CTXND1: variants seen among roughly 807,000 people sequenced by gnomAD.
CTXND1 encodes cortexin domain containing 1.
At chr15:80,219,477 A>G (rs1476011637) in intron 1 of CTXND1, among the ~76,000 whole-genome samples, 1 of 152,232 alleles carries the variant, frequency 6.6e-6, no homozygotes, top group African/African-American at 2.4e-5. Flanking sequence ...TTAAATTATA[A>G]AAACAATTCT....
rs2142118718 is a variant in CTXND1, at chr15:80,198,894, T to G, written c.*2876A>C. On this transcript the variant is annotated 3_prime_UTR_variant, in exon 3 of 3. Coordinates refer to ENST00000560778, the MANE Select transcript of CTXND1 (RefSeq NM_001352888.2). The stretch of plus-strand genomic sequence containing the variant: ...CCATTAAAATGACAAGTGTGAAGAA[T>G]GTAGCAGCAACATGAAAGTATACTT... 6.6e-6 allele frequency: 1 copy of G among 152,340 alleles called. No homozygotes were observed. The allele number at this position is 152,340 out of a possible 1,614,324, so 9.4% of individuals were successfully genotyped here. A position where few individuals can be genotyped will look rare whatever the true frequency, so the allele number is the denominator to read the frequency against.
intron 1 of CTXND1, among the ~76,000 whole-genome samples, chr15:80,219,079 G>T (rs538060661): frequency 2.6e-4 from 39 of 150,388 alleles, no homozygotes; most frequent in African/African-American, 8.3e-4. Context: ...CTACAGGTGC[G>T]CACTACCACT....
chr15:80,202,919 A>C (rs1231942065), intron 2 of CTXND1, among the ~76,000 whole-genome samples: 1 of 152,242 alleles, frequency 6.6e-6, no homozygotes, highest in Admixed American at 6.5e-5. Flanking sequence ...TTAGGACTCC[A>C]GCGGTAGTGC....
intron 2 of CTXND1, among the ~76,000 whole-genome samples, chr15:80,202,608 C>G (rs1296008886): frequency 1.3e-5 from 2 of 152,180 alleles, no homozygotes; most frequent in Non-Finnish European, 2.9e-5. Context: ...ACCACTGTGC[C>G]TGGTCTATCA....
At chr15:80,247,114 G>T (rs1193754976) in intron 1 of CTXND1, among the ~76,000 whole-genome samples, 1 of 152,154 alleles carries the variant, frequency 6.6e-6, no homozygotes. Flanking sequence ...TGGAAGTGGT[G>T]GAGTTAAGAT....
chr15:80,204,181 T>G (rs868682842), intron 1 of CTXND1, among the ~76,000 whole-genome samples: 1 of 39,352 alleles, frequency 2.5e-5, no homozygotes, highest in Non-Finnish European at 4.2e-5. Flanking sequence ...TATATATATA[T>G]ATATATATAT....
At position 80,252,038 on chromosome 15, in the gene CTXND1, T is replaced by TCCTGGCTGGGCCGGCGC. The variant is rs1438684235; in HGVS notation, c.-266_-250dup. On this transcript the variant is annotated 5_prime_UTR_variant, in exon 1 of 3. Transcript: ENST00000560778. ...AGGCCCGTCCCGTGCGCTCCCGGGG[T>TCCTGGCTGGGCCGGCGC]CCTGGCTGGGCCGGCGCCGAGCCCA... 9.2e-5 allele frequency: 14 copies of TCCTGGCTGGGCCGGCGC among 151,624 alleles called. No homozygotes were observed. Among genetic ancestry groups the TCCTGGCTGGGCCGGCGC allele is most frequent in the African/African-American group, 3.1e-4 (13 of 41,466 alleles). The allele number at this position is 151,624 out of a possible 1,614,324, so 9.4% of individuals were successfully genotyped here.
intron 1 of CTXND1, among the ~76,000 whole-genome samples, chr15:80,248,028 A>T (rs1199385536): frequency 6.6e-6 from 1 of 152,194 alleles, no homozygotes; most frequent in East Asian, 1.9e-4. Context: ...TTCCAAGAGG[A>T]GGGTCATCTT....
intron 1 of CTXND1, among the ~76,000 whole-genome samples, chr15:80,225,862 A>T (rs1206520874): frequency 6.6e-6 from 1 of 150,692 alleles, no homozygotes; most frequent in Non-Finnish European, 1.5e-5. Context: ...GGTTATCCTC[A>T]TTTTTTTTTC....
At position 80,195,890 on chromosome 15, in the gene CTXND1, C is replaced by T. The variant is rs1456946187; in HGVS notation, c.*5880G>A. On this transcript the variant is annotated 3_prime_UTR_variant, in exon 3 of 3. Coordinates refer to ENST00000560778, the MANE Select transcript of CTXND1 (RefSeq NM_001352888.2). ...TCTAGTGACCAAGAGGAACTGCTTC[C>T]ACCAGGGAATATAGTTATGGGTCTG... 6.6e-6 allele frequency: 1 copy of T among 152,142 alleles called. No homozygotes were observed. The highest frequency in any genetic ancestry group is 1.9e-4 in the East Asian group (1 of 5,202). The allele number at this position is 152,142 out of a possible 1,614,324, so 9.4% of individuals were successfully genotyped here.
chr15:80,195,755 C>A lies in CTXND1; in HGVS notation c.*6015G>T, dbSNP rs1021844731. ...ACTGTTGCAATGGGAATCAAGTTTC[C>A]AACATATGAACTTTGGGGGACACAT... is the stretch of plus-strand genomic sequence containing the variant. On this transcript the variant is annotated 3_prime_UTR_variant, in exon 3 of 3. Transcript: ENST00000560778. The A allele has an allele frequency of 5.3e-5, 8 of 152,160 alleles. No individual in the cohort carries two copies. The highest frequency in any genetic ancestry group is 1.7e-4 in the African/African-American group (7 of 41,418). 9.4% of individuals were successfully genotyped at this position (152,160 alleles called of 1,614,324 possible).
chr15:80,226,844 C>T (rs1893377768), intron 1 of CTXND1, among the ~76,000 whole-genome samples: 1 of 152,204 alleles, frequency 6.6e-6, no homozygotes, highest in Non-Finnish European at 1.5e-5. Flanking sequence ...TTTTCCATGA[C>T]TGCTACAGAC....
chr15:80,249,923 T>C (rs1253482648), intron 1 of CTXND1, among the ~76,000 whole-genome samples: 1 of 152,230 alleles, frequency 6.6e-6, no homozygotes, highest in Non-Finnish European at 1.5e-5. Flanking sequence ...AATGTCAAAA[T>C]TCACAGTCAT....
intron 2 of CTXND1, among the ~76,000 whole-genome samples, chr15:80,203,134 C>T (rs1333973852): frequency 6.6e-6 from 1 of 152,278 alleles, no homozygotes; most frequent in East Asian, 1.9e-4. Flanking sequence ...GCAGGCAGCT[C>T]CCCAAGTTCA....
intron 1 of CTXND1, among the ~76,000 whole-genome samples, chr15:80,218,954 C>A (rs1595905814): frequency 6.9e-6 from 1 of 143,998 alleles, no homozygotes; most frequent in Non-Finnish European, 1.5e-5. Flanking sequence ...TTTTTTGAGA[C>A]AGGGTCTTGT....
At chr15:80,248,514 T>A (rs1893659571) in intron 1 of CTXND1, among the ~76,000 whole-genome samples, 1 of 152,226 alleles carries the variant, frequency 6.6e-6, no homozygotes, top group Non-Finnish European at 1.5e-5. Flanking sequence ...CTAGATACCA[T>A]TTCCTAAGCC....
intron 1 of CTXND1, among the ~76,000 whole-genome samples, chr15:80,219,468 T>A (rs1208659085): frequency 6.6e-6 from 1 of 152,246 alleles, no homozygotes; most frequent in Non-Finnish European, 1.5e-5. Flanking sequence ...TTCAAAATTT[T>A]AAATTATAAA....
chr15:80,240,951 C>T (rs1293778368), intron 1 of CTXND1, among the ~76,000 whole-genome samples: 1 of 152,174 alleles, frequency 6.6e-6, no homozygotes, highest in Non-Finnish European at 1.5e-5. Context: ...GGGGGACCCA[C>T]TCGGGAGACA....
At chr15:80,207,760 A>C (rs28555109) in intron 1 of CTXND1, among the ~76,000 whole-genome samples, 43,160 of 152,174 alleles carry the variant, frequency 0.28, 6,547 homozygotes, top group East Asian at 0.47. Context: ...AGCCCACTTC[A>C]GGTGGGGTTC....
Sources: allele counts gnomAD v4.1 joint callset (sites outside exome capture counted in the v4.1 genomes callset), GRCh38; gene constraint gnomAD v4.1.1; transcripts MANE v1.5; gene names NCBI Gene and HGNC (gene_info 2026-07-23, HGNC 2026-07-21).